TRPV1: variants seen among roughly 807,000 people sequenced by gnomAD.
The protein encoded by TRPV1 is transient receptor potential cation channel subfamily V member 1.
Under a neutral mutation model 82.3 loss-of-function variants are expected in TRPV1, and 82 were observed. The ratio of observed to expected loss-of-function variants is 1.00; its 90% CI spans 0.83 to 1.20. TRPV1 has a LOEUF of 1.20. Ranked by LOEUF, TRPV1 falls within the 50% of genes most tolerant of loss-of-function variation. TRPV1 has a pLI of 0.00. For missense variants in TRPV1, 1,067 were observed against 1,096.8 expected (o/e 0.97, Z 0.38); for synonymous variants, 515 against 467.7 (o/e 1.10, Z -1.30).
At chr17:3,605,152 TACTTA>T (rs2075288678) in intron 2 of TRPV1, among the ~76,000 whole-genome samples, 1 of 152,146 alleles carries the variant, frequency 6.6e-6, no homozygotes, top group African/African-American at 2.4e-5. Flanking sequence ...TCAGGTAAGT[TACTTA>T]ACTTTTTTGT....
intron 11 of TRPV1, 27 bp from the exon 12 acceptor site, chr17:3,577,790 G>C (rs769727318): frequency 1.3e-6 from 2 of 1,573,612 alleles, no homozygotes; most frequent in South Asian, 2.3e-5. Context: ...AGAAAGCTCC[G>C]TCTACGGGAA....
intron 16 of TRPV1, among the ~76,000 whole-genome samples, chr17:3,569,278 T>A (rs2074816123): frequency 6.6e-6 from 1 of 151,824 alleles, no homozygotes; most frequent in Non-Finnish European, 1.5e-5. Flanking sequence ...AAAAAAAAAA[T>A]TAGCCGGGTA....
intron 10 of TRPV1, 64 bp from the exon 11 acceptor site, chr17:3,580,591 C>CA: frequency 6.5e-7 from 1 of 1,531,734 alleles, no homozygotes; most frequent in Non-Finnish European, 9.0e-7. Flanking sequence ...GGTGAGCACT[C>CA]AGATGCTTCC....
At chr17:3,570,614 A>G (rs1254558843) in intron 16 of TRPV1, among the ~76,000 whole-genome samples, 1 of 152,222 alleles carries the variant, frequency 6.6e-6, no homozygotes, top group East Asian at 1.9e-4. Context: ...TTTCTAGGTA[A>G]ACGTCCTCAA....
Position 3,583,779 on chromosome 17 carries a change from T to A in TRPV1, c.1384-349A>T, listed in dbSNP as rs1219995787. 2.0e-5 allele frequency among the ~76,000 whole-genome samples: 3 copies of A among 152,112 alleles called. 1 individual carries two copies. The highest frequency in any genetic ancestry group is 7.2e-5 in the African/African-American group (3 of 41,414). On this transcript the variant is annotated intron_variant, in intron 9 of 16. Transcript: ENST00000572705. ...TCTCATGGACCCCACGCCATACACA[T>A]CCCGCTGCCACCCCAGCCCATGGCC...
chr17:3,566,832 C>T lies in TRPV1; in HGVS notation c.2503G>A (p.Ala835Thr), dbSNP rs200108152. ...EDAEVFKSPA[A>T]SGEK The stretch of plus-strand genomic sequence containing the variant: ...TGACGTCCTCACTTCTCCCCGGAAG[C>T]GGCAGGACTCTTGAAGACCTCAGCG... Residue 835 changes from alanine (A) to threonine (T), a missense_variant, in exon 17 of 17, where the codon GCT (alanine) becomes ACT (threonine). Physicochemically the swap from Ala to Thr is moderately conservative, Grantham distance 58 (BLOSUM62 0). Transcript: ENST00000572705. The T allele has an allele frequency of 1.1e-5, 18 of 1,613,874 alleles. No homozygotes were observed. The Admixed American group carries it at 1.3e-4, about 12-fold the overall frequency.
Position 3,592,396 on chromosome 17 carries a change from C to A in TRPV1, c.-33-13G>T. The A allele has an allele frequency of 6.5e-7, 1 of 1,539,684 alleles. No homozygotes were observed. The highest frequency in any genetic ancestry group is 8.7e-7 in the Non-Finnish European group (1 of 1,142,872). On this transcript the variant is annotated splice_polypyrimidine_tract_variant and intron_variant, in intron 2 of 16. Coordinates refer to ENST00000572705, the MANE Select transcript of TRPV1 (RefSeq NM_080704.4). ...CCCAGTGTGCAACCTGCAGCAGCCA[C>A]CACGCCGGGGTTGACTCCCAAAGTA... is the stretch of plus-strand genomic sequence containing the variant.
chr17:3,594,722 C>G (rs1417854012), intron 2 of TRPV1, among the ~76,000 whole-genome samples: 2 of 152,228 alleles, frequency 1.3e-5, no homozygotes, highest in Non-Finnish European at 2.9e-5. Context: ...AGAGTCCAGC[C>G]CTGCGCTGGG....
intron 2 of TRPV1, among the ~76,000 whole-genome samples, chr17:3,605,590 T>A (rs1047188909): frequency 6.6e-6 from 1 of 151,870 alleles, no homozygotes; most frequent in African/African-American, 2.4e-5. Context: ...CAAAAAGAAA[T>A]GTTAACTGTC....
chr17:3,567,460 G>C (rs372562152), intron 16 of TRPV1, among the ~76,000 whole-genome samples: 7 of 151,530 alleles, frequency 4.6e-5, no homozygotes, highest in South Asian at 2.1e-4. Context: ...GAGGCACCTG[G>C]ATCGGTGCAA....
chr17:3,587,481 G>A (rs1390884857), intron 8 of TRPV1, among the ~76,000 whole-genome samples: 2 of 152,120 alleles, frequency 1.3e-5, no homozygotes, highest in Non-Finnish European at 2.9e-5. Context: ...CATTCATTTG[G>A]AGCCAAAATA....
chr17:3,569,439 A>G (rs2074818176), intron 16 of TRPV1, among the ~76,000 whole-genome samples: 9 of 152,178 alleles, frequency 5.9e-5, no homozygotes. Flanking sequence ...AAATAAAATA[A>G]AATAAATAAA....
intron 11 of TRPV1, chr17:3,578,510 C>T (rs1007304019): frequency 5.3e-5 from 8 of 151,836 alleles, no homozygotes; most frequent in African/African-American, 1.9e-4. Context: ...ATTACCTGGG[C>T]AAGGTGCACC....
intron 2 of TRPV1, among the ~76,000 whole-genome samples, chr17:3,598,816 C>G (rs1013379020): frequency 6.6e-6 from 1 of 150,836 alleles, no homozygotes; most frequent in African/African-American, 2.4e-5. Flanking sequence ...ATCCACCTGC[C>G]TCGGCCTCCC....
rs2075077239 is a variant in TRPV1, at chr17:3,585,804, G to A, written c.1347C>T (p.Phe449=). The A allele has an allele frequency of 6.2e-6, 10 of 1,613,804 alleles. No individual in the cohort carries two copies. The highest frequency in any genetic ancestry group is 8.5e-6 in the Non-Finnish European group (10 of 1,179,820). Residue 449 remains phenylalanine (F), a synonymous_variant, in exon 9 of 17, where the codon TTC becomes TTT. Coordinates refer to ENST00000572705, the MANE Select transcript of TRPV1 (RefSeq NM_080704.4). ...FLVYCLYMII[F]TMAAYYRPVD... ...CGGGCCTGTAGTAGGCAGCCATGGT[G>A]AAGATGATCATGTACAGGCAGTAGA...
intron 11 of TRPV1, among the ~76,000 whole-genome samples, chr17:3,580,109 G>C (rs932990212): frequency 2.3e-5 from 3 of 130,152 alleles, no homozygotes; most frequent in African/African-American, 9.1e-5. Context: ...ACAACCCCCC[G>C]TTAAAGATAG....
chr17:3,585,834 G>A lies in TRPV1; in HGVS notation c.1317C>T (p.Phe439=). 2 of 1,613,976 alleles carry A rather than the reference G, an allele frequency of 1.2e-6. No homozygotes were observed. Among genetic ancestry groups the A allele is most frequent in the Non-Finnish European group, 1.7e-6 (2 of 1,179,886 alleles). ...RFVKRIFYFN[F]LVYCLYMIIF... The stretch of plus-strand genomic sequence containing the variant: ...TGATCATGTACAGGCAGTAGACCAG[G>A]AAGTTGAAGTAGAAGATGCGCTTGA... Residue 439 remains phenylalanine (F), a synonymous_variant, in exon 9 of 17, where the codon TTC becomes TTT. Coordinates refer to ENST00000572705, the MANE Select transcript of TRPV1 (RefSeq NM_080704.4).
chr17:3,577,263 A>T, intron 12 of TRPV1, 71 bp from the exon 13 acceptor site: 5 of 1,503,300 alleles, frequency 3.3e-6, no homozygotes, highest in Non-Finnish European at 3.6e-6. Flanking sequence ...GCCGGGCCGC[A>T]TCGGCCTGGG....
At position 3,591,734 on chromosome 17, in the gene TRPV1, C is replaced by A. The variant is rs150728514; in HGVS notation, c.284+333G>T. Among the ~76,000 whole-genome samples the A allele has an allele frequency of 2.3e-4, 35 of 152,300 alleles. No individual in the cohort carries two copies. The East Asian group carries it at 6.6e-3, about 29-fold the overall frequency. On this transcript the variant is annotated intron_variant, in intron 3 of 16. Transcript: ENST00000572705. ...GGCCTCACACTCCCCAGAAGTCAGC[C>A]AGCCTGTGGCCCTCCCTGCCCTGCC...
Sources: allele counts gnomAD v4.1 joint callset (sites outside exome capture counted in the v4.1 genomes callset), GRCh38; gene constraint gnomAD v4.1.1; transcripts MANE v1.5; gene names NCBI Gene and HGNC (gene_info 2026-07-23, HGNC 2026-07-21).